ITCH: variants seen among roughly 807,000 people sequenced by gnomAD.
The protein encoded by ITCH is E3 ubiquitin-protein ligase Itchy homolog.
Under a neutral mutation model 126.8 loss-of-function variants are expected in ITCH, and 28 were observed. The observed-to-expected ratio is 0.22, with a 90% confidence interval of 0.16 to 0.30. ITCH has a LOEUF of 0.30. Among genes scored for constraint, ITCH ranks in the 10% least tolerant of loss-of-function variants. The pLI, the probability that ITCH is intolerant of heterozygous loss-of-function variation, is 1.00. For synonymous variants in ITCH, 342 were observed against 340.0 expected, an observed-to-expected ratio of 1.01 and a Z score of -0.06; for missense variants, 631 against 1,032.4, an observed-to-expected ratio of 0.61 and a Z score of 5.33.
At chr20:34,411,971 A>G (rs2146165182) in intron 4 of ITCH, among the ~76,000 whole-genome samples, 1 of 152,334 alleles carries the variant, frequency 6.6e-6, no homozygotes, top group Admixed American at 6.5e-5. Flanking sequence ...TCTTCAAATC[A>G]TGTAGCTGAC....
At chr20:34,426,357 A>T (rs1981512782) in intron 7 of ITCH, among the ~76,000 whole-genome samples, 1 of 152,086 alleles carries the variant, frequency 6.6e-6, no homozygotes, top group South Asian at 2.1e-4. Context: ...CAAAATACTG[A>T]TGGTTGTTGA....
intron 10 of ITCH, among the ~76,000 whole-genome samples, 170 bp from the exon 11 acceptor site, chr20:34,445,117 T>C (rs909980547): frequency 2.6e-5 from 4 of 152,216 alleles, no homozygotes; most frequent in Non-Finnish European, 4.4e-5. Context: ...TTATGAACTT[T>C]CAAGAAATAA....
chr20:34,481,007 CTTATAAA>C lies in ITCH; in HGVS notation c.1953-54_1953-48del, dbSNP rs1435260038. On this transcript the variant is annotated intron_variant, in intron 19 of 24. Coordinates refer to ENST00000374864, the MANE Select transcript of ITCH (RefSeq NM_031483.7). Reference sequence around the variant, plus strand: ...AAGAACATGGGCCTTTCGTTAAAAACTTATAAATTATGATTGAATTGGTGGATATAAC... The same window carrying C: ...AAGAACATGGGCCTTTCGTTAAAAACTTATGATTGAATTGGTGGATATAAC... 9 of 1,562,688 alleles carry C rather than the reference CTTATAAA, an allele frequency of 5.8e-6. No homozygotes were observed. In the East Asian group the frequency reaches 2.0e-4, roughly 35 times the overall value.
intron 14 of ITCH, among the ~76,000 whole-genome samples, chr20:34,466,574 C>T (rs1987090081): frequency 6.6e-6 from 1 of 151,996 alleles, no homozygotes; most frequent in Admixed American, 6.6e-5. Flanking sequence ...ATTTTAGTTA[C>T]AATAAGTTTG....
chr20:34,493,197 T>G (rs1989637117), intron 23 of ITCH, among the ~76,000 whole-genome samples: 2 of 152,190 alleles, frequency 1.3e-5, no homozygotes, highest in Non-Finnish European at 2.9e-5. Context: ...CATAGGAGGA[T>G]ACACAGAGAA....
intron 18 of ITCH, among the ~76,000 whole-genome samples, chr20:34,480,259 G>A (rs1386575230): frequency 4.0e-5 from 6 of 151,712 alleles, no homozygotes; most frequent in Non-Finnish European, 5.9e-5. Flanking sequence ...GTGCAATGGC[G>A]TGATCTCGGC....
At chr20:34,470,480 G>A (rs1987517320) in intron 15 of ITCH, among the ~76,000 whole-genome samples, 1 of 151,562 alleles carries the variant, frequency 6.6e-6, no homozygotes, top group Admixed American at 6.6e-5. Context: ...GAAACCATCT[G>A]AATAAGCAAA....
At chr20:34,478,909 G>A (rs1988474740) in intron 17 of ITCH, among the ~76,000 whole-genome samples, 2 of 152,116 alleles carry the variant, frequency 1.3e-5, no homozygotes, top group Non-Finnish European at 2.9e-5. Flanking sequence ...TGTGTCATGA[G>A]ATACACTTAT....
At position 34,372,384 on chromosome 20, in the gene ITCH, C is replaced by CTTTTTTTTTTTTTTTTT; in HGVS notation, c.-22+2928_-22+2929insTTTTTTTTTTTTTTTTT. 6.0e-3 allele frequency among the ~76,000 whole-genome samples: 557 copies of CTTTTTTTTTTTTTTTTT among 93,096 alleles called. 89 individuals carry two copies. Among genetic ancestry groups the CTTTTTTTTTTTTTTTTT allele is most frequent in the African/African-American group, 0.013 (275 of 21,498 alleles). The allele number at this position is 93,096 out of a possible 152,430, so 61.1% of individuals were successfully genotyped here. ...AGAAACCATGTTATTTTAAGTTCTACTTTTTTTTTTTTTTGAGAGGGAATC... is the reference window on the plus strand; with the variant it reads ...AGAAACCATGTTATTTTAAGTTCTACTTTTTTTTTTTTTTTTTTTTTTTTTTTTTTTGAGAGGGAATC... On this transcript the variant is annotated intron_variant, in intron 2 of 24. Coordinates refer to ENST00000374864, the MANE Select transcript of ITCH (RefSeq NM_031483.7).
At chr20:34,390,079 C>T (rs1225650264) in intron 2 of ITCH, among the ~76,000 whole-genome samples, 8 of 151,630 alleles carry the variant, frequency 5.3e-5, no homozygotes, top group Non-Finnish European at 1.0e-4. Flanking sequence ...TAAGACTGTG[C>T]CACTGCACTC....
chr20:34,492,607 C>T lies in ITCH; in HGVS notation c.2416+10C>T. 10 of 1,554,986 alleles carry T rather than the reference C, an allele frequency of 6.4e-6. No homozygotes were observed. Among genetic ancestry groups the T allele is most frequent in the Non-Finnish European group, 8.9e-6 (10 of 1,125,914 alleles). On this transcript the variant is annotated intron_variant, in intron 23 of 24. Transcript: ENST00000374864. Reference sequence around the variant, plus strand: ...TTTGCTGATCTCATGGGTATGTATACAGGATCACTTTTCCTATACAGAAAA... The same window carrying T: ...TTTGCTGATCTCATGGGTATGTATATAGGATCACTTTTCCTATACAGAAAA...
intron 16 of ITCH, among the ~76,000 whole-genome samples, chr20:34,477,068 G>C (rs921631966): frequency 1.3e-5 from 2 of 152,158 alleles, no homozygotes; most frequent in South Asian, 4.1e-4. Flanking sequence ...GCAGCTACTG[G>C]TTTTCATTTC....
Position 34,394,078 on chromosome 20 carries a change from G to A in ITCH, c.70+197G>A, listed in dbSNP as rs113737312. On this transcript the variant is annotated intron_variant, in intron 3 of 24. Transcript: ENST00000374864. ...GAATACAAAATTAGTTGGGCATGGT[G>A]GTGCACACCTGCTGTCCCAGCTACT... Among the ~76,000 whole-genome samples the A allele has an allele frequency of 3.1e-3, 464 of 152,078 alleles. 1 individual carries two copies. The highest frequency in any genetic ancestry group is 5.8e-3 in the Non-Finnish European group (394 of 67,990).
chr20:34,435,983 A>G (rs757251574), intron 7 of ITCH, among the ~76,000 whole-genome samples: 2 of 152,192 alleles, frequency 1.3e-5, no homozygotes, highest in Non-Finnish European at 2.9e-5. Flanking sequence ...TCTAAGTATC[A>G]AGGAAATTTA....
intron 3 of ITCH, among the ~76,000 whole-genome samples, chr20:34,403,521 A>G (rs913161557): frequency 1.3e-5 from 2 of 152,204 alleles, no homozygotes; most frequent in Admixed American, 1.3e-4. Context: ...ACTAATAACA[A>G]TTTGGTTCAA....
At chr20:34,490,598 G>A (rs1277316030) in intron 22 of ITCH, among the ~76,000 whole-genome samples, 1 of 152,146 alleles carries the variant, frequency 6.6e-6, no homozygotes, top group Non-Finnish European at 1.5e-5. Flanking sequence ...AGCCAAGTTC[G>A]CACTACTGCA....
At chr20:34,408,885 T>G in intron 4 of ITCH, 93 bp downstream of exon 4, 1 of 1,288,234 alleles carries the variant, frequency 7.8e-7, no homozygotes, top group Non-Finnish European at 1.1e-6. Context: ...GGTTTTTTGT[T>G]GTTGTTGTTC....
chr20:34,482,288 C>T (rs1162566016), intron 20 of ITCH, among the ~76,000 whole-genome samples: 3 of 152,314 alleles, frequency 2.0e-5, no homozygotes, highest in East Asian at 3.9e-4. Context: ...AAAGTCTTAA[C>T]TTATTTCAGC....
intron 20 of ITCH, among the ~76,000 whole-genome samples, chr20:34,486,514 CG>C (rs1568995543): frequency 6.6e-6 from 1 of 151,346 alleles, no homozygotes; most frequent in African/African-American, 2.4e-5. Context: ...TTAGTAGAGA[CG>C]GGGTTTTGCC....
Sources: allele counts gnomAD v4.1 joint callset (sites outside exome capture counted in the v4.1 genomes callset), GRCh38; gene constraint gnomAD v4.1.1; transcripts MANE v1.5; gene names NCBI Gene and HGNC (gene_info 2026-07-23, HGNC 2026-07-21).